Variants in TRIM36 observed in about 807,000 individuals in gnomAD.
The protein encoded by TRIM36 is tripartite motif containing 36.
Under a neutral mutation model 72.4 loss-of-function variants are expected in TRIM36, and 42 were observed. That is an observed-to-expected ratio of 0.58 (90% confidence interval 0.45 to 0.75). TRIM36 has a LOEUF of 0.75. TRIM36 is among the 30% of genes least tolerant of loss of function. The pLI is 0.00. For synonymous variants in TRIM36, 315 were observed against 282.8 expected, an observed-to-expected ratio of 1.11 and a Z score of -1.14; for missense variants, 913 against 857.1, an observed-to-expected ratio of 1.07 and a Z score of -0.81.
rs59083853 is a variant in TRIM36, at chr5:115,143,222, C to CAAAAAAAAA, written c.735+1367_735+1375dup. Among the ~76,000 whole-genome samples the CAAAAAAAAA allele has an allele frequency of 3.3e-4, 19 of 57,486 alleles. 3 individuals carry two copies. The highest frequency in any genetic ancestry group is 9.3e-4 in the South Asian group (1 of 1,078). 37.7% of individuals were successfully genotyped at this position (57,486 alleles called of 152,430 possible). ...GAGTGCCTGTTCCCCACCAGCCAGA[C>CAAAAAAAAA]AAAAAAAAAAAAAAAAAAAAAAAAA... On this transcript the variant is annotated intron_variant, in intron 4 of 9. Coordinates refer to ENST00000513154, the MANE Select transcript of TRIM36 (RefSeq NM_001300759.2).
At chr5:115,132,946 T>G (rs1752768394) in intron 8 of TRIM36, among the ~76,000 whole-genome samples, 1 of 152,214 alleles carries the variant, frequency 6.6e-6, no homozygotes, top group Admixed American at 6.5e-5. Context: ...GAAATATAAT[T>G]TTAGCCAATC....
upstream of TRIM36, among the ~76,000 whole-genome samples, chr5:115,173,895 G>A (rs1467780965): frequency 6.6e-6 from 1 of 152,056 alleles, no homozygotes; most frequent in Non-Finnish European, 1.5e-5. Flanking sequence ...CCTTCATTGT[G>A]ATATCTACTT....
At chr5:115,135,951 A>G (rs1190551433) in intron 7 of TRIM36, among the ~76,000 whole-genome samples, 2 of 152,176 alleles carry the variant, frequency 1.3e-5, no homozygotes, top group African/African-American at 2.4e-5. Context: ...TACTATAAAT[A>G]TATCTTTGTA....
At position 115,126,812 on chromosome 5, in the gene TRIM36, A is replaced by G; in HGVS notation, c.1842T>C (p.Cys614=). ...SGHDSGSEDA[C]FDSSQPFTLV... is the part of the protein sequence containing the mutation. ...AGGTAAATGGTTGTGAAGAATCAAA[A>G]CAGGCATCCTCACTTCCACTGTCAT... Residue 614 remains cysteine (C), a synonymous_variant, in exon 10 of 10, where the codon TGT becomes TGC. Transcript: ENST00000513154. 6.2e-7 allele frequency: 1 copy of G among 1,614,062 alleles called. No individual in the cohort carries two copies. Among genetic ancestry groups the G allele is most frequent in the Middle Eastern group, 1.7e-4 (1 of 6,060 alleles).
intron 4 of TRIM36, 32 bp downstream of exon 4, chr5:115,144,566 A>G: frequency 6.2e-7 from 1 of 1,612,074 alleles, no homozygotes; most frequent in Non-Finnish European, 8.5e-7. Context: ...AGTTACGAAG[A>G]ATCAAAATTC....
intron 2 of TRIM36, among the ~76,000 whole-genome samples, chr5:115,153,235 G>A (rs1317863644): frequency 6.6e-6 from 1 of 152,096 alleles, no homozygotes; most frequent in Non-Finnish European, 1.5e-5. Context: ...GCAGGAGTAG[G>A]TATTCTTATA....
chr5:115,174,545 G>A (rs1358630878), upstream of TRIM36, among the ~76,000 whole-genome samples: 1 of 152,202 alleles, frequency 6.6e-6, no homozygotes, highest in Non-Finnish European at 1.5e-5. Flanking sequence ...AAGCTTACCA[G>A]TCATAAAGTG....
intron 2 of TRIM36, among the ~76,000 whole-genome samples, chr5:115,151,670 C>G (rs1203958359): frequency 6.6e-6 from 1 of 152,182 alleles, no homozygotes; most frequent in Non-Finnish European, 1.5e-5. Flanking sequence ...CTGGTGGTAT[C>G]CATGGCTGAA....
At chr5:115,146,043 C>T (rs1270204696) in intron 3 of TRIM36, among the ~76,000 whole-genome samples, 3 of 152,090 alleles carry the variant, frequency 2.0e-5, no homozygotes, top group Admixed American at 1.3e-4. Flanking sequence ...GTTCTCTTAT[C>T]AATCTTTTAT....
At chr5:115,171,077 T>A, upstream of TRIM36, 1 of 1,614,188 alleles carries the variant, frequency 6.2e-7, no homozygotes, top group South Asian at 1.1e-5. Context: ...AAGTAGGGAC[T>A]ACAGAGCTGT....
At chr5:115,179,992 A>G (rs754203018) in exon 1 of TRIM36, 3 of 1,614,060 alleles carry the variant, frequency 1.9e-6, no homozygotes, top group Non-Finnish European at 2.5e-6. Flanking sequence ...TTAGCTATCA[A>G]TTCCATGATG....
chr5:115,142,255 T>C (rs557268899), intron 4 of TRIM36, among the ~76,000 whole-genome samples: 83 of 152,164 alleles, frequency 5.5e-4, no homozygotes, highest in African/African-American at 1.9e-3. Flanking sequence ...CTAAACACTA[T>C]TCCACAGGCT....
At chr5:115,177,513 A>C in intron 1 of TRIM36, 1 of 1,324,924 alleles carries the variant, frequency 7.5e-7, no homozygotes, top group South Asian at 1.8e-5. Flanking sequence ...CACAGAGGAA[A>C]ATAAAGCAAG....
At chr5:115,139,196 C>T (rs184428653) in intron 5 of TRIM36, among the ~76,000 whole-genome samples, 6 of 151,354 alleles carry the variant, frequency 4.0e-5, no homozygotes, top group African/African-American at 1.5e-4. Context: ...TCTTGGCTCA[C>T]TGCAACCTCT....
chr5:115,125,942 T>C lies in TRIM36; in HGVS notation c.*561A>G, dbSNP rs1010498287. The C allele has an allele frequency of 6.6e-6, 1 of 152,290 alleles. No homozygotes were observed. The highest frequency in any genetic ancestry group is 1.5e-5 in the Non-Finnish European group (1 of 68,110). 9.4% of individuals were successfully genotyped at this position (152,290 alleles called of 1,614,324 possible). On this transcript the variant is annotated 3_prime_UTR_variant, in exon 10 of 10. Transcript: ENST00000513154. Reference sequence around the variant, plus strand: ...CCTTTTCCAGGCAATATATTTTTAATAGTTACACACTTTAAAATACATAAT... The same window carrying C: ...CCTTTTCCAGGCAATATATTTTTAACAGTTACACACTTTAAAATACATAAT...
At chr5:115,179,962 C>T in intron 1 of TRIM36, 2 of 1,613,762 alleles carry the variant, frequency 1.2e-6, no homozygotes, top group Non-Finnish European at 1.7e-6. Flanking sequence ...GCGCCCCGCG[C>T]CTCATCACTT....
intron 1 of TRIM36, chr5:115,177,536 G>A: frequency 7.3e-7 from 1 of 1,370,324 alleles, no homozygotes; most frequent in East Asian, 2.7e-5. Context: ...AGTCTCAAAG[G>A]TCTGCTATTC....
intron 5 of TRIM36, among the ~76,000 whole-genome samples, chr5:115,140,089 T>C (rs1753196181): frequency 6.6e-6 from 1 of 152,134 alleles, no homozygotes; most frequent in African/African-American, 2.4e-5. Context: ...CATGGAAAAA[T>C]GACTGACTTA....
chr5:115,153,046 T>C (rs1360776160), intron 2 of TRIM36, among the ~76,000 whole-genome samples: 1 of 152,044 alleles, frequency 6.6e-6, no homozygotes, highest in Non-Finnish European at 1.5e-5. Flanking sequence ...CAATACCAAC[T>C]GAATGTAAAT....
Sources: gnomAD v4.1 joint callset for allele counts (sites outside exome capture counted in the v4.1 genomes callset) on GRCh38, gnomAD v4.1.1 for gene constraint, MANE v1.5 for transcripts, NCBI Gene and HGNC (gene_info 2026-07-23, HGNC 2026-07-21) for gene names.